The following STX18 variants were observed in gnomAD, a reference collection of about 807,000 sequenced individuals.
The protein encoded by STX18 is syntaxin 18, also known as syntaxin-18.
STX18 carries 40 observed loss-of-function variants against 50.1 expected under a neutral mutation model. That is an observed-to-expected ratio of 0.80 (90% confidence interval 0.62 to 1.04). The LOEUF (loss-of-function observed/expected upper bound fraction) is 1.04. Among genes scored for constraint, STX18 ranks in the 50% least tolerant of loss-of-function variants. The pLI is 0.00. For synonymous variants in STX18, 158 were observed against 151.8 expected, an observed-to-expected ratio of 1.04 and a Z score of -0.30; for missense variants, 410 against 415.8, an observed-to-expected ratio of 0.99 and a Z score of 0.12.
At chr4:4,460,457 A>C (rs1393031290) in intron 2 of STX18, among the ~76,000 whole-genome samples, 2 of 151,998 alleles carry the variant, frequency 1.3e-5, no homozygotes, top group Non-Finnish European at 2.9e-5. Context: ...TTAAGGCACA[A>C]ACAAACAGGG....
intron 2 of STX18, among the ~76,000 whole-genome samples, chr4:4,462,767 C>T (rs528244913): frequency 6.6e-6 from 1 of 152,210 alleles, no homozygotes; most frequent in African/African-American, 2.4e-5. Flanking sequence ...TCGGGGACAA[C>T]AGTTCTATCT....
chr4:4,531,111 T>C (rs1731073357), intron 1 of STX18, among the ~76,000 whole-genome samples: 1 of 151,996 alleles, frequency 6.6e-6, no homozygotes, highest in Non-Finnish European at 1.5e-5. Flanking sequence ...ATCTTCCTTT[T>C]CTTACTGATT....
In STX18 at chr4:4,435,625, C is replaced by G. The variant is rs114859256; in HGVS notation, c.614-767G>C. ...ATACACTGGTCTTTAGCCATAACTACGCTGACAGACCTCAGTGGTTTCAGA... is the reference window on the plus strand; with the variant it reads ...ATACACTGGTCTTTAGCCATAACTAGGCTGACAGACCTCAGTGGTTTCAGA... On this transcript the variant is annotated intron_variant, in intron 6 of 10. Transcript: ENST00000306200. Among the ~76,000 whole-genome samples the G allele has an allele frequency of 2.8e-3, 429 of 152,314 alleles. 3 individuals are homozygous for G. Among genetic ancestry groups the G allele is most frequent in the African/African-American group, 1.0e-2 (414 of 41,564 alleles).
intron 2 of STX18, among the ~76,000 whole-genome samples, chr4:4,460,129 A>G (rs919707406): frequency 6.6e-6 from 1 of 152,012 alleles, no homozygotes; most frequent in African/African-American, 2.4e-5. Context: ...AACATTCCAT[A>G]TATTTTGTGT....
chr4:4,457,824 C>T (rs572764174), intron 3 of STX18, among the ~76,000 whole-genome samples: 33 of 152,310 alleles, frequency 2.2e-4, no homozygotes, highest in South Asian at 2.1e-3. Context: ...TGACCTTCAG[C>T]GAACATGTTT....
chr4:4,485,447 G>A (rs2108855941), intron 1 of STX18, among the ~76,000 whole-genome samples: 1 of 152,300 alleles, frequency 6.6e-6, no homozygotes, highest in East Asian at 1.9e-4. Flanking sequence ...CTTGCAATGG[G>A]TTCAAACCAG....
intron 5 of STX18, among the ~76,000 whole-genome samples, chr4:4,443,459 A>T (rs1036058652): frequency 6.6e-6 from 1 of 152,288 alleles, no homozygotes; most frequent in African/African-American, 2.4e-5. Context: ...TTATGATGAA[A>T]GCCTAAGTGT....
chr4:4,511,244 C>T (rs945090467), intron 1 of STX18, among the ~76,000 whole-genome samples: 1 of 152,170 alleles, frequency 6.6e-6, no homozygotes, highest in African/African-American at 2.4e-5. Context: ...AGGTACAATG[C>T]ATTCTGACAG....
intron 1 of STX18, among the ~76,000 whole-genome samples, chr4:4,529,109 A>G (rs1730955386): frequency 6.6e-6 from 1 of 152,166 alleles, no homozygotes; most frequent in African/African-American, 2.4e-5. Flanking sequence ...CACACCTGTA[A>G]TCCCAGCACT....
chr4:4,529,353 C>CA (rs1468586014), intron 1 of STX18, among the ~76,000 whole-genome samples: 4 of 151,214 alleles, frequency 2.6e-5, no homozygotes, highest in African/African-American at 7.3e-5. Flanking sequence ...GACTCCGTCT[C>CA]AAAAAAAAGA....
intron 8 of STX18, among the ~76,000 whole-genome samples, chr4:4,424,868 T>A (rs532792871): frequency 2.0e-5 from 3 of 152,118 alleles, no homozygotes; most frequent in East Asian, 3.9e-4. Context: ...ACAGCCCGAA[T>A]GGTGGTGGAA....
At chr4:4,496,148 A>C (rs1729156148) in intron 1 of STX18, among the ~76,000 whole-genome samples, 1 of 152,240 alleles carries the variant, frequency 6.6e-6, no homozygotes, top group Admixed American at 6.5e-5. Flanking sequence ...CCATTTAAAA[A>C]TGAAGAAACT....
At chr4:4,540,684 G>A (rs1560218048) in intron 1 of STX18, among the ~76,000 whole-genome samples, 3 of 152,154 alleles carry the variant, frequency 2.0e-5, no homozygotes. Context: ...TCTAACACGA[G>A]GCTGGTCAGA....
At chr4:4,482,125 C>G (rs1728491750) in intron 1 of STX18, among the ~76,000 whole-genome samples, 1 of 152,118 alleles carries the variant, frequency 6.6e-6, no homozygotes, top group Non-Finnish European at 1.5e-5. Context: ...CCTATAACTC[C>G]TTTTCTTCAC....
chr4:4,433,846 A>G (rs1422962337), intron 7 of STX18, among the ~76,000 whole-genome samples: 3 of 152,214 alleles, frequency 2.0e-5, no homozygotes, highest in Non-Finnish European at 4.4e-5. Flanking sequence ...CTTCCTCAAC[A>G]GAGCTGTCTT....
In STX18 at chr4:4,420,305, T is replaced by C. The variant is rs1724864233; in HGVS notation, c.913-176A>G. The C allele has an allele frequency of 1.7e-6, 1 of 590,796 alleles. No individual in the cohort carries two copies. Among genetic ancestry groups the C allele is most frequent in the Non-Finnish European group, 3.0e-6 (1 of 330,032 alleles). 36.6% of individuals were successfully genotyped at this position (590,796 alleles called of 1,614,324 possible). A position where few individuals can be genotyped will look rare whatever the true frequency, so the allele number is the denominator to read the frequency against. ...TGAGATCCACCAGAAGACAAATGGG[T>C]TATATTTCCCTCTGTTTGGCCATCA... On this transcript the variant is annotated intron_variant, in intron 10 of 10. Coordinates refer to ENST00000306200, the MANE Select transcript of STX18 (RefSeq NM_016930.4). The surrounding 1 kb of genome is among the most constrained non-coding windows in gnomAD (Gnocchi z 4.3).
chr4:4,484,570 A>G (rs1728618419), intron 1 of STX18, among the ~76,000 whole-genome samples: 1 of 152,200 alleles, frequency 6.6e-6, no homozygotes. Flanking sequence ...AAAATGGGAT[A>G]TAAAAAGTAA....
At chr4:4,493,567 T>C (rs888292696) in intron 1 of STX18, among the ~76,000 whole-genome samples, 1 of 152,218 alleles carries the variant, frequency 6.6e-6, no homozygotes, top group Non-Finnish European at 1.5e-5. Context: ...CATCTTATTA[T>C]CTTCATTGTA....
At chr4:4,450,081 T>C (rs1726667037) in intron 5 of STX18, among the ~76,000 whole-genome samples, 1 of 152,226 alleles carries the variant, frequency 6.6e-6, no homozygotes, top group Non-Finnish European at 1.5e-5. Flanking sequence ...CGCTTATTGC[T>C]ATTACAGTGT....
Sources: allele counts gnomAD v4.1 joint callset (sites outside exome capture counted in the v4.1 genomes callset), GRCh38; gene constraint gnomAD v4.1.1; non-coding constraint Gnocchi (gnomAD v3.1); transcripts MANE v1.5; gene names NCBI Gene and HGNC (gene_info 2026-07-23, HGNC 2026-07-21).